Variants in ROCK2 observed in about 807,000 individuals in gnomAD.
ROCK2 encodes the protein Rho associated coiled-coil containing protein kinase 2, also known as rho-associated protein kinase 2.
Under a neutral mutation model 195.1 loss-of-function variants are expected in ROCK2, and 61 were observed. The ratio of observed to expected loss-of-function variants is 0.31; its 90% CI spans 0.25 to 0.39. ROCK2 has a LOEUF of 0.39. ROCK2 is among the 10% of genes least tolerant of loss of function. The pLI is 1.00. For missense variants in ROCK2, 1,109 were observed against 1,637.4 expected (o/e 0.68, Z 5.57); for synonymous variants, 504 against 545.5 (o/e 0.92, Z 1.06).
chr2:11,275,257 CAAAA>C (rs71393869), intron 3 of ROCK2, among the ~76,000 whole-genome samples: 2 of 110,620 alleles, frequency 1.8e-5, no homozygotes, highest in Admixed American at 9.5e-5. Context: ...GACTTCATGT[CAAAA>C]AAAAAAAAAA....
chr2:11,230,253 A>G (rs1431519824), intron 5 of ROCK2, among the ~76,000 whole-genome samples: 2 of 152,188 alleles, frequency 1.3e-5, no homozygotes, highest in African/African-American at 4.8e-5. Flanking sequence ...GGTGAGACAG[A>G]GAAAATATAA....
Position 11,207,873 on chromosome 2 carries a change from T to C in ROCK2, c.2402A>G (p.Gln801Arg), listed in dbSNP as rs781549565. ...NLTLKIEQET[Q>R]KRCLTQNDLK... ...GTCATTTTGTGTAAGGCAGCGCTTCTGAGTTTCTTGCTCTATTTTTAATGT... is the reference window on the plus strand; with the variant it reads ...GTCATTTTGTGTAAGGCAGCGCTTCCGAGTTTCTTGCTCTATTTTTAATGT... The change falls in exon 20 of 33, where the codon CAG becomes CGG. Residue 801 changes from glutamine (Q) to arginine (R), a missense_variant. Coordinates refer to ENST00000315872, the MANE Select transcript of ROCK2 (RefSeq NM_004850.5). The C allele has an allele frequency of 1.9e-6, 3 of 1,597,046 alleles. No individual in the cohort carries two copies. The highest frequency in any genetic ancestry group is 2.7e-5 in the African/African-American group (2 of 74,366).
intron 1 of ROCK2, among the ~76,000 whole-genome samples, chr2:11,339,755 G>A (rs1669046127): frequency 6.6e-6 from 1 of 152,054 alleles, no homozygotes; most frequent in South Asian, 2.1e-4. Flanking sequence ...ATTGTTTAGA[G>A]ATACACACAA....
intron 1 of ROCK2, among the ~76,000 whole-genome samples, chr2:11,296,886 T>G (rs1038736979): frequency 1.3e-4 from 20 of 152,158 alleles, no homozygotes; most frequent in African/African-American, 4.6e-4. Context: ...CTCCTTTTGT[T>G]ATGAATGTAC....
chr2:11,328,354 C>G (rs1457437551), intron 1 of ROCK2, among the ~76,000 whole-genome samples: 1 of 152,142 alleles, frequency 6.6e-6, no homozygotes, highest in Non-Finnish European at 1.5e-5. Context: ...TATGCACATA[C>G]ATTGAGAGAC....
intron 32 of ROCK2, among the ~76,000 whole-genome samples, chr2:11,187,620 G>T (rs956113869): frequency 5.9e-5 from 9 of 152,098 alleles, no homozygotes; most frequent in South Asian, 2.1e-4. Flanking sequence ...TTTTCTCAAT[G>T]ATTTATAAGA....
chr2:11,211,796 A>G lies in ROCK2; in HGVS notation c.2088T>C (p.Val696=). The G allele has an allele frequency of 6.2e-7, 1 of 1,612,024 alleles. No homozygotes were observed. ...MEIDMTYQLK[V]IQQSLEQEEA... ...CTTCTTGTTCTAGGCTCTGCTGTAT[A>G]ACTTTTAGTTGGTATGTCATATCTA... The change falls in exon 18 of 33, where the codon GTT becomes GTC. Residue 696 remains valine, a synonymous_variant. Coordinates refer to ENST00000315872, the MANE Select transcript of ROCK2 (RefSeq NM_004850.5).
At chr2:11,269,544 G>A (rs911219454) in intron 3 of ROCK2, among the ~76,000 whole-genome samples, 3 of 151,944 alleles carry the variant, frequency 2.0e-5, no homozygotes, top group African/African-American at 4.8e-5. Context: ...TGAATGGATC[G>A]GCCATATTGG....
chr2:11,205,939 T>C (rs1431033851), intron 20 of ROCK2, among the ~76,000 whole-genome samples: 1 of 152,024 alleles, frequency 6.6e-6, no homozygotes, highest in East Asian at 1.9e-4. Flanking sequence ...TGAAACCCTA[T>C]CTCTACTAAA....
At chr2:11,198,397 A>C (rs1225229346) in intron 25 of ROCK2, 94 bp downstream of exon 25, 1 of 841,818 alleles carries the variant, frequency 1.2e-6, no homozygotes, top group Non-Finnish European at 1.9e-6. Context: ...ACATTCGATG[A>C]CTACTGCTAC....
rs141309317 is a variant in ROCK2 at position 11,231,369 on chromosome 2, G to A, written c.724-3971C>T. The stretch of plus-strand genomic sequence containing the variant: ...ACTATAGGCCCGCGCCATCATGCCC[G>A]GCTAATTCTTGTGTTTTTAGTAGAG... On this transcript the variant is annotated intron_variant, in intron 5 of 32. Transcript: ENST00000315872. Among the ~76,000 whole-genome samples, 1,356 of 152,008 alleles carry A rather than the reference G, an allele frequency of 8.9e-3. 16 individuals are homozygous for A. The highest frequency in any genetic ancestry group is 0.031 in the African/African-American group (1,278 of 41,468).
At chr2:11,255,550 C>T (rs541574981) in intron 3 of ROCK2, among the ~76,000 whole-genome samples, 30 of 150,886 alleles carry the variant, frequency 2.0e-4, no homozygotes, top group African/African-American at 7.2e-4. Flanking sequence ...TAAATATGTT[C>T]AAAGAACTAA....
chr2:11,262,958 G>C (rs1666284804), intron 3 of ROCK2, among the ~76,000 whole-genome samples: 3 of 152,020 alleles, frequency 2.0e-5, no homozygotes, highest in Non-Finnish European at 4.4e-5. Flanking sequence ...AGCAGTTACT[G>C]TTTCTACCAT....
intron 3 of ROCK2, among the ~76,000 whole-genome samples, chr2:11,257,381 T>C (rs369983127): frequency 6.6e-6 from 1 of 151,546 alleles, no homozygotes; most frequent in African/African-American, 2.5e-5. Context: ...CTGACGCTTC[T>C]GTCAGGTGGT....
At chr2:11,304,095 C>G (rs923814638) in intron 1 of ROCK2, among the ~76,000 whole-genome samples, 8 of 152,212 alleles carry the variant, frequency 5.3e-5, no homozygotes, top group Admixed American at 4.6e-4. Context: ...AATTCACTCA[C>G]TCCCTCGAAC....
intron 1 of ROCK2, among the ~76,000 whole-genome samples, chr2:11,296,145 T>A (rs1453202653): frequency 1.3e-5 from 2 of 151,996 alleles, no homozygotes; most frequent in East Asian, 1.9e-4. Flanking sequence ...TCCTATAAAG[T>A]CTATCTAGTA....
rs761424684 is a variant in ROCK2, at chr2:11,192,396, C to T, written c.3950-35G>A. On this transcript the variant is annotated intron_variant, in intron 31 of 32. Coordinates refer to ENST00000315872, the MANE Select transcript of ROCK2 (RefSeq NM_004850.5). The surrounding 1 kb of genome is among the most constrained non-coding windows in gnomAD (Gnocchi z 5.0). Reference sequence around the variant, plus strand: ...AAAATTAGAAAAAAAAATTAATGTGCTTAAAATGATCTGAACATAACCAAT... The same window carrying T: ...AAAATTAGAAAAAAAAATTAATGTGTTTAAAATGATCTGAACATAACCAAT... 2.2e-5 allele frequency: 35 copies of T among 1,603,734 alleles called. No homozygotes were observed. Among genetic ancestry groups the T allele is most frequent in the Non-Finnish European group, 3.0e-5 (35 of 1,175,822 alleles).
intron 1 of ROCK2, among the ~76,000 whole-genome samples, chr2:11,317,612 A>ATATTTTT (rs59701503): frequency 2.6e-4 from 5 of 19,310 alleles, no homozygotes; most frequent in Non-Finnish European, 3.1e-4. Flanking sequence ...ATATATATAT[A>ATATTTTT]TTTTTTTTTT....
intron 1 of ROCK2, among the ~76,000 whole-genome samples, chr2:11,321,593 A>T (rs966758217): frequency 1.3e-5 from 2 of 152,022 alleles, no homozygotes; most frequent in African/African-American, 4.8e-5. Flanking sequence ...ATGTTTTAAA[A>T]GTACTAAATA....
Sources: allele counts gnomAD v4.1 joint callset (sites outside exome capture counted in the v4.1 genomes callset), GRCh38; gene constraint gnomAD v4.1.1; non-coding constraint Gnocchi (gnomAD v3.1); transcripts MANE v1.5; gene names NCBI Gene and HGNC (gene_info 2026-07-23, HGNC 2026-07-21).